FUT9: variants seen among roughly 807,000 people sequenced by gnomAD.
FUT9 encodes fucosyltransferase 9.
FUT9 carries 15 observed loss-of-function variants against 29.7 expected under a neutral mutation model. The observed-to-expected ratio is 0.51, with a 90% CI of 0.34 to 0.78. FUT9 has a LOEUF of 0.78. Ranked by LOEUF, FUT9 falls within the 30% of genes least tolerant of loss-of-function variation. FUT9 has a pLI of 0.01. For synonymous variants in FUT9, 169 were observed against 153.7 expected, an observed-to-expected ratio of 1.10 and a Z score of -0.74; for missense variants, 319 against 425.4, an observed-to-expected ratio of 0.75 and a Z score of 2.20.
chr6:96,115,448 T>A (rs72929995), intron 2 of FUT9, among the ~76,000 whole-genome samples: 6,646 of 152,310 alleles, frequency 0.044, 182 homozygotes, highest in South Asian at 0.12. Flanking sequence ...TTAGACTTCA[T>A]AAAATTTACA....
At chr6:96,172,427 C>T (rs1773129734) in intron 2 of FUT9, among the ~76,000 whole-genome samples, 1 of 152,074 alleles carries the variant, frequency 6.6e-6, no homozygotes, top group African/African-American at 2.4e-5. Context: ...AGTAATGATT[C>T]TACATGGGTC....
rs948414845 is a variant in FUT9 at position 96,205,106 on chromosome 6, T to C, written c.*871T>C. On this transcript the variant is annotated 3_prime_UTR_variant, in exon 3 of 3. Coordinates refer to ENST00000302103, the MANE Select transcript of FUT9 (RefSeq NM_006581.4). ...TATAAATGGTGTCATTTATGAACAA[T>C]GTTTAATTATGTATCAATTTAAGAT... The C allele has an allele frequency of 8.4e-5, 14 of 166,900 alleles. No homozygotes were observed. The highest frequency in any genetic ancestry group is 3.4e-4 in the African/African-American group (14 of 41,424). The allele number at this position is 166,900 out of a possible 1,614,324, so 10.3% of individuals were successfully genotyped here.
In FUT9 at chr6:96,148,514, G is replaced by C. The variant is rs562316777; in HGVS notation, c.-9+34387G>C. 2.0e-5 allele frequency among the ~76,000 whole-genome samples: 3 copies of C among 152,252 alleles called. No homozygotes were observed. In the South Asian group the frequency reaches 6.2e-4, roughly 32 times the overall value. Reference sequence around the variant, plus strand: ...TACATGGTATAATCAGTCGAGCTGTGGAAATGGGCTCTGAAGGCTATTGAT... The same window carrying C: ...TACATGGTATAATCAGTCGAGCTGTCGAAATGGGCTCTGAAGGCTATTGAT... On this transcript the variant is annotated intron_variant, in intron 2 of 2. Coordinates refer to ENST00000302103, the MANE Select transcript of FUT9 (RefSeq NM_006581.4).
At chr6:96,178,198 T>C (rs536271937) in intron 2 of FUT9, among the ~76,000 whole-genome samples, 52 of 152,276 alleles carry the variant, frequency 3.4e-4, no homozygotes, top group African/African-American at 1.2e-3. Flanking sequence ...CTGGGTCAAT[T>C]CAATATCCAG....
At chr6:96,050,765 C>T (rs1770652728) in intron 1 of FUT9, among the ~76,000 whole-genome samples, 2 of 152,274 alleles carry the variant, frequency 1.3e-5, no homozygotes, top group Non-Finnish European at 2.9e-5. Flanking sequence ...ACCTCAGAGT[C>T]TTTTAATTCA....
At chr6:96,069,728 T>C (rs915661578) in intron 1 of FUT9, among the ~76,000 whole-genome samples, 1 of 151,768 alleles carries the variant, frequency 6.6e-6, no homozygotes, top group African/African-American at 2.4e-5. Flanking sequence ...ACCTCCCAGG[T>C]TCAAGCGATT....
Position 96,150,867 on chromosome 6 carries a change from C to T in FUT9, c.-9+36740C>T, listed in dbSNP as rs187717517. ...CATTCCCTAGGACTGGGGGTAAGGGCAATATAACACTCTAACACTCCTACT... is the reference window on the plus strand; with the variant it reads ...CATTCCCTAGGACTGGGGGTAAGGGTAATATAACACTCTAACACTCCTACT... On this transcript the variant is annotated intron_variant, in intron 2 of 2. Coordinates refer to ENST00000302103, the MANE Select transcript of FUT9 (RefSeq NM_006581.4). Among the ~76,000 whole-genome samples the T allele has an allele frequency of 3.9e-5, 6 of 152,192 alleles. No homozygotes were observed. In the East Asian group the frequency reaches 1.2e-3, roughly 29 times the overall value.
chr6:96,123,733 T>C (rs118120400), intron 2 of FUT9, among the ~76,000 whole-genome samples: 3,028 of 152,186 alleles, frequency 0.02, 54 homozygotes, highest in South Asian at 0.1. Flanking sequence ...CTTGCTACCA[T>C]AGCTACAGAA....
chr6:96,117,689 T>A (rs1771937102), intron 2 of FUT9, among the ~76,000 whole-genome samples: 1 of 152,180 alleles, frequency 6.6e-6, no homozygotes, highest in Non-Finnish European at 1.5e-5. Context: ...CATAGAACAA[T>A]CTTACTTCAT....
At chr6:96,099,099 T>C (rs12207766) in intron 1 of FUT9, among the ~76,000 whole-genome samples, 105,101 of 152,022 alleles carry the variant, frequency 0.69, 37,555 homozygotes, top group East Asian at 0.84. Flanking sequence ...GTCAAACAGA[T>C]GAGTAAATAA....
At chr6:96,133,006 G>A (rs1772275775) in intron 2 of FUT9, among the ~76,000 whole-genome samples, 1 of 151,866 alleles carries the variant, frequency 6.6e-6, no homozygotes, top group Non-Finnish European at 1.5e-5. Flanking sequence ...GTTCTTTAGT[G>A]GTGGTTTCTG....
rs146848466 is a variant in FUT9 at position 96,194,848 on chromosome 6, C to T, written c.-8-8300C>T. ...GTTCTGAAAAAATGCCAGCAAGGCA[C>T]CTCCTGGCCCTGTCTGTGGTATTTC... On this transcript the variant is annotated intron_variant, in intron 2 of 2. Transcript: ENST00000302103. Among the ~76,000 whole-genome samples, 701 of 152,214 alleles carry T rather than the reference C, an allele frequency of 4.6e-3. 6 individuals are homozygous for T. Among genetic ancestry groups the T allele is most frequent in the Non-Finnish European group, 7.2e-3 (491 of 68,024 alleles).
chr6:96,053,474 C>T (rs1008969491), intron 1 of FUT9, among the ~76,000 whole-genome samples: 1 of 151,912 alleles, frequency 6.6e-6, no homozygotes, highest in African/African-American at 2.4e-5. Flanking sequence ...TTTGGGAGGC[C>T]GAGGCAGGTG....
At chr6:96,191,325 G>A (rs1395382736) in intron 2 of FUT9, among the ~76,000 whole-genome samples, 1 of 152,070 alleles carries the variant, frequency 6.6e-6, no homozygotes, top group Admixed American at 6.6e-5. Flanking sequence ...AAAATTGATA[G>A]ACCACTAGCA....
intron 1 of FUT9, among the ~76,000 whole-genome samples, chr6:96,039,837 A>G (rs1770425039): frequency 6.6e-6 from 1 of 152,172 alleles, no homozygotes; most frequent in Admixed American, 6.5e-5. Flanking sequence ...ACGTAATGAA[A>G]TGAATAAATA....
intron 2 of FUT9, among the ~76,000 whole-genome samples, chr6:96,160,593 A>G (rs1333116392): frequency 6.6e-6 from 1 of 152,192 alleles, no homozygotes; most frequent in Non-Finnish European, 1.5e-5. Context: ...AAACTTATCC[A>G]ACTTGAAGAT....
At chr6:96,085,666 G>A (rs1479156146) in intron 1 of FUT9, among the ~76,000 whole-genome samples, 1 of 152,126 alleles carries the variant, frequency 6.6e-6, no homozygotes, top group African/African-American at 2.4e-5. Flanking sequence ...AACTTACCCT[G>A]GAGGTTCTCA....
At chr6:96,177,346 C>T (rs1773222589) in intron 2 of FUT9, among the ~76,000 whole-genome samples, 1 of 151,952 alleles carries the variant, frequency 6.6e-6, no homozygotes, top group South Asian at 2.1e-4. Context: ...AAAGGTCATG[C>T]ATTGAGAAAG....
chr6:96,187,912 C>CTA (rs1773433350), intron 2 of FUT9, among the ~76,000 whole-genome samples: 1 of 152,016 alleles, frequency 6.6e-6, no homozygotes, highest in South Asian at 2.1e-4. Context: ...GAGAATGTGC[C>CTA]TAGGAGGGGA....
Sources: gnomAD v4.1 joint callset for allele counts (sites outside exome capture counted in the v4.1 genomes callset) on GRCh38, gnomAD v4.1.1 for gene constraint, MANE v1.5 for transcripts, NCBI Gene and HGNC (gene_info 2026-07-23, HGNC 2026-07-21) for gene names.